UGT1A8: variants seen among roughly 807,000 people sequenced by gnomAD.
UGT1A8 encodes the protein UDP-glucuronosyltransferase 1A8.
Under a neutral mutation model 45.3 loss-of-function variants are expected in UGT1A8, and 39 were observed. The observed-to-expected ratio is 0.86, with a 90% CI of 0.67 to 1.12. The LOEUF is 1.12. UGT1A8 is among the 50% of genes most tolerant of loss of function. The pLI is 0.00. For synonymous variants in UGT1A8, 275 were observed against 249.2 expected (o/e 1.10, Z -0.97); for missense variants, 719 against 664.9 (o/e 1.08, Z -0.90).
At chr2:233,720,878 T>TTG (rs1425776914) in intron 1 of UGT1A8, among the ~76,000 whole-genome samples, 1 of 150,714 alleles carries the variant, frequency 6.6e-6, no homozygotes, top group African/African-American at 2.4e-5. Context: ...GCAATTTTTT[T>TTG]TTTTTTTTTT....
In UGT1A8 at chr2:233,621,082, T is replaced by G. The variant is rs140532476; in HGVS notation, c.855+2520T>G. On this transcript the variant is annotated intron_variant, in intron 1 of 4. Coordinates refer to ENST00000373450, the MANE Select transcript of UGT1A8 (RefSeq NM_019076.5). ...CTTGAGTCTATCCAGGAGAATTACA[T>G]CCAGGGATGTAATTAAATACTTTAA... Among the ~76,000 whole-genome samples the G allele has an allele frequency of 1.4e-3, 212 of 152,250 alleles. 1 individual carries two copies. Among genetic ancestry groups the G allele is most frequent in the African/African-American group, 4.6e-3 (191 of 41,554 alleles).
chr2:233,651,672 G>T (rs1049555209), intron 1 of UGT1A8, among the ~76,000 whole-genome samples: 3 of 152,176 alleles, frequency 2.0e-5, no homozygotes, highest in African/African-American at 7.2e-5. Flanking sequence ...AGAAGGGCAG[G>T]CTGTGTCTTG....
In UGT1A8 at chr2:233,769,481, G is replaced by A. The variant is rs35791110; in HGVS notation, c.1295+1042G>A. ...TTCATATGCGTGTGTGTGTGTGTGC[G>A]TGTGTTTATGAGAGTGTCCATTGCT... On this transcript the variant is annotated intron_variant, in intron 4 of 4. Coordinates refer to ENST00000373450, the MANE Select transcript of UGT1A8 (RefSeq NM_019076.5). This position sits in a 1 kb window ranked among gnomAD's most constrained non-coding sequence, Gnocchi z 4.4. 5.5e-4 allele frequency: 893 copies of A among 1,612,192 alleles called. 4 individuals are homozygous for A. The African/African-American group carries it at 9.9e-3, about 18-fold the overall frequency.
intron 1 of UGT1A8, among the ~76,000 whole-genome samples, chr2:233,638,561 T>G (rs554941297): frequency 1.3e-5 from 2 of 152,216 alleles, no homozygotes; most frequent in African/African-American, 2.4e-5. Context: ...GGGATTCGGT[T>G]GCTTGTGACT....
chr2:233,683,986 G>A (rs1470062095), intron 1 of UGT1A8, among the ~76,000 whole-genome samples: 1 of 152,130 alleles, frequency 6.6e-6, no homozygotes, highest in Non-Finnish European at 1.5e-5. Context: ...AATTGAAAAA[G>A]TCGTGACAAA....
chr2:233,648,612 C>G (rs1373356666), intron 1 of UGT1A8, among the ~76,000 whole-genome samples: 2 of 119,014 alleles, frequency 1.7e-5, no homozygotes, highest in African/African-American at 6.5e-5. Flanking sequence ...AGGTGCCTGC[C>G]ACCACGCCTG....
intron 1 of UGT1A8, among the ~76,000 whole-genome samples, chr2:233,715,582 G>A (rs2076459243): frequency 6.6e-6 from 1 of 151,896 alleles, no homozygotes; most frequent in South Asian, 2.1e-4. Context: ...GAGCAGCCTG[G>A]GCAACATGCT....
At chr2:233,644,736 G>T (rs561096996) in intron 1 of UGT1A8, among the ~76,000 whole-genome samples, 9 of 152,154 alleles carry the variant, frequency 5.9e-5, no homozygotes, top group Non-Finnish European at 1.2e-4. Context: ...CGCCACTGTG[G>T]GTTCAGGGGG....
At chr2:233,651,679 C>G (rs71423607) in intron 1 of UGT1A8, among the ~76,000 whole-genome samples, 7,078 of 152,224 alleles carry the variant, frequency 0.046, 234 homozygotes, top group Middle Eastern at 0.092. Flanking sequence ...CAGGCTGTGT[C>G]TTGGAAAAGC....
intron 1 of UGT1A8, among the ~76,000 whole-genome samples, chr2:233,692,668 A>G (rs1449549810): frequency 1.3e-5 from 2 of 152,184 alleles, no homozygotes; most frequent in African/African-American, 4.8e-5. Flanking sequence ...TTCGGGATAG[A>G]GAATTGGCAG....
chr2:233,721,297 G>C (rs770095784), intron 1 of UGT1A8, among the ~76,000 whole-genome samples: 1 of 152,120 alleles, frequency 6.6e-6, no homozygotes, highest in Non-Finnish European at 1.5e-5. Flanking sequence ...GAAGGCATTT[G>C]AATAGTGATT....
intron 1 of UGT1A8, among the ~76,000 whole-genome samples, chr2:233,749,879 T>C (rs965424457): frequency 2.6e-5 from 4 of 151,958 alleles, no homozygotes; most frequent in African/African-American, 9.7e-5. Flanking sequence ...ATTATAAGTT[T>C]CCTGAGGCTC....
chr2:233,688,149 G>A (rs975750928), intron 1 of UGT1A8, among the ~76,000 whole-genome samples: 1 of 152,048 alleles, frequency 6.6e-6, no homozygotes. Flanking sequence ...GTATGGATTT[G>A]CCTATTCTGG....
At chr2:233,671,099 C>T (rs1362478164) in intron 1 of UGT1A8, among the ~76,000 whole-genome samples, 1 of 152,166 alleles carries the variant, frequency 6.6e-6, no homozygotes, top group African/African-American at 2.4e-5. Context: ...TCACCTCTGA[C>T]CTCAAGGAGT....
intron 1 of UGT1A8, among the ~76,000 whole-genome samples, chr2:233,689,730 A>G (rs1277493497): frequency 1.3e-5 from 2 of 152,172 alleles, no homozygotes; most frequent in Non-Finnish European, 2.9e-5. Context: ...CTGCCAAAGA[A>G]TCCATTTGGT....
chr2:233,690,031 G>T (rs749154474), intron 1 of UGT1A8: 7 of 427,522 alleles, frequency 1.6e-5, no homozygotes, highest in Non-Finnish European at 2.8e-5. Context: ...CTCAAGATCT[G>T]GGCCCAGAGC....
chr2:233,618,416 A>C lies in UGT1A8; in HGVS notation c.709A>C (p.Thr237Pro). 6 of 1,613,952 alleles carry C rather than the reference A, an allele frequency of 3.7e-6. No homozygotes were observed. The highest frequency in any genetic ancestry group is 3.3e-5 in the Admixed American group (2 of 60,016). ...ALEIASEILQTPVTAYDLYSH... is the reference protein window; with the variant it reads ...ALEIASEILQPPVTAYDLYSH... ...AGAAATAGCCTCTGAAATTCTCCAA[A>C]CACCTGTCACAGCATATGATCTCTA... The change falls in exon 1 of 5, where the codon ACA becomes CCA. Residue 237 changes from threonine (T) to proline (P), a missense_variant. Physicochemically the swap from Thr to Pro is conservative, Grantham distance 38. Transcript: ENST00000373450.
chr2:233,624,306 A>C (rs571834293), intron 1 of UGT1A8, among the ~76,000 whole-genome samples: 1 of 152,214 alleles, frequency 6.6e-6, no homozygotes, highest in Non-Finnish European at 1.5e-5. Flanking sequence ...TGACTTGGGC[A>C]GTTTTGAGCA....
chr2:233,705,344 C>G (rs771723864), intron 1 of UGT1A8, among the ~76,000 whole-genome samples: 1 of 152,092 alleles, frequency 6.6e-6, no homozygotes, highest in Non-Finnish European at 1.5e-5. Context: ...CAATTTTTGT[C>G]TTATTACATG....
Sources: allele counts gnomAD v4.1 joint callset (sites outside exome capture counted in the v4.1 genomes callset), GRCh38; gene constraint gnomAD v4.1.1; non-coding constraint Gnocchi (gnomAD v3.1); transcripts MANE v1.5; gene names NCBI Gene and HGNC (gene_info 2026-07-23, HGNC 2026-07-21).